FRYL: variants seen among roughly 807,000 people sequenced by gnomAD.
FRYL encodes FRY like transcription coactivator, also known as protein furry homolog-like.
Under a neutral mutation model 351.2 loss-of-function variants are expected in FRYL, and 150 were observed. The observed-to-expected ratio is 0.43, with a 90% CI of 0.37 to 0.49. The LOEUF is 0.49. Among genes scored for constraint, FRYL ranks in the 20% least tolerant of loss-of-function variants. The pLI, the probability that FRYL is intolerant of heterozygous loss-of-function variation, is 0.00. For synonymous variants in FRYL, 1,153 were observed against 1,257.1 expected (o/e 0.92, Z 1.75); for missense variants, 3,036 against 3,619.3 (o/e 0.84, Z 4.13).
chr4:48,569,872 GCAT>G (rs1190637652), intron 27 of FRYL, among the ~76,000 whole-genome samples: 5 of 152,130 alleles, frequency 3.3e-5, no homozygotes, highest in Non-Finnish European at 7.3e-5. Flanking sequence ...CAGTGCAGTG[GCAT>G]GGTCAAGGCT....
intron 3 of FRYL, among the ~76,000 whole-genome samples, chr4:48,661,781 GAC>G (rs1261464016): frequency 2.0e-5 from 3 of 152,132 alleles, no homozygotes; most frequent in Non-Finnish European, 4.4e-5. Flanking sequence ...ACCTAGAAAT[GAC>G]AGAGATGACA....
At chr4:48,545,230 G>T (rs769325225) in intron 42 of FRYL, among the ~76,000 whole-genome samples, 4 of 152,170 alleles carry the variant, frequency 2.6e-5, no homozygotes, top group African/African-American at 4.8e-5. Flanking sequence ...GTAATGCAAA[G>T]AAAATAATTT....
chr4:48,659,960 A>AAGAAGAAGAAGAAGAAGAAGAAGG (rs1760354241), intron 3 of FRYL, among the ~76,000 whole-genome samples: 1 of 146,682 alleles, frequency 6.8e-6, no homozygotes, highest in African/African-American at 2.5e-5. Context: ...GAAGAAGAAG[A>AAGAAGAAGAAGAAGAAGAAGAAGG]AGAAGAAGAA....
chr4:48,772,556 T>C (rs755913817), intron 1 of FRYL, among the ~76,000 whole-genome samples: 2 of 152,030 alleles, frequency 1.3e-5, no homozygotes, highest in Non-Finnish European at 2.9e-5. Flanking sequence ...GTATTATAGA[T>C]GGCATAACCC....
At chr4:48,725,032 T>G (rs751043780) in intron 1 of FRYL, among the ~76,000 whole-genome samples, 2 of 152,160 alleles carry the variant, frequency 1.3e-5, no homozygotes, top group Admixed American at 6.5e-5. Context: ...TTGACTTAGC[T>G]CCCTGTTCCA....
At chr4:48,562,147 C>T (rs1191002530) in intron 32 of FRYL, among the ~76,000 whole-genome samples, 7 of 151,990 alleles carry the variant, frequency 4.6e-5, no homozygotes, top group Admixed American at 2.0e-4. Context: ...TATACGATTA[C>T]TTGAAAAAGA....
chr4:48,506,621 T>TATATATATATATATATATAA (rs1721044724), intron 59 of FRYL: 1 of 10,976 alleles, frequency 9.1e-5, no homozygotes, highest in Non-Finnish European at 2.4e-4. Flanking sequence ...AACTAATATA[T>TATATATATATATATATATAA]ATATATATAT....
At chr4:48,745,424 T>TA (rs1416219508) in intron 1 of FRYL, among the ~76,000 whole-genome samples, 1 of 152,064 alleles carries the variant, frequency 6.6e-6, no homozygotes, top group Non-Finnish European at 1.5e-5. Flanking sequence ...TATGCAGCCA[T>TA]AAAAAAGGAT....
chr4:48,760,500 T>C (rs193226100), intron 1 of FRYL, among the ~76,000 whole-genome samples: 181 of 152,308 alleles, frequency 1.2e-3, no homozygotes, highest in African/African-American at 3.7e-3. Context: ...GTTTTACTTC[T>C]TCTTTTCCAA....
At chr4:48,588,557 T>A (rs2149195699) in intron 18 of FRYL, among the ~76,000 whole-genome samples, 1 of 152,264 alleles carries the variant, frequency 6.6e-6, no homozygotes, top group South Asian at 2.1e-4. Context: ...AGTGACCACC[T>A]CTCAGGCACA....
intron 7 of FRYL, among the ~76,000 whole-genome samples, chr4:48,610,711 T>C (rs1020694433): frequency 6.9e-6 from 1 of 145,454 alleles, no homozygotes; most frequent in African/African-American, 2.5e-5. Context: ...TATACATATA[T>C]ATTATATACA....
At chr4:48,608,357 A>C (rs1360909173) in intron 9 of FRYL, among the ~76,000 whole-genome samples, 4 of 152,194 alleles carry the variant, frequency 2.6e-5, no homozygotes, top group Non-Finnish European at 4.4e-5. Context: ...ATAATTTGAT[A>C]CTTTTTTCCT....
intron 3 of FRYL, among the ~76,000 whole-genome samples, chr4:48,659,964 A>G (rs968744592): frequency 1.3e-5 from 2 of 148,392 alleles, no homozygotes; most frequent in African/African-American, 5.0e-5. Context: ...AAGAAGAAGA[A>G]GAAGAAAGGA....
chr4:48,616,181 A>C (rs772383071), intron 7 of FRYL, among the ~76,000 whole-genome samples: 1 of 151,988 alleles, frequency 6.6e-6, no homozygotes, highest in Non-Finnish European at 1.5e-5. Context: ...AAAAACCTGC[A>C]TGTGCTGCAC....
At chr4:48,556,869 C>T (rs1734228573) in intron 35 of FRYL, 109 bp downstream of exon 35, 1 of 905,472 alleles carries the variant, frequency 1.1e-6, no homozygotes, top group South Asian at 2.5e-5. Flanking sequence ...TCATCCCGGC[C>T]CTTGCCTTGC....
chr4:48,550,806 G>T (rs954531537), intron 37 of FRYL, 102 bp from the exon 38 acceptor site: 1 of 857,810 alleles, frequency 1.2e-6, no homozygotes, highest in Non-Finnish European at 1.9e-6. Flanking sequence ...GGACGCCATG[G>T]TTCAAGCCTG....
At chr4:48,762,392 C>G (rs1440473365) in intron 1 of FRYL, among the ~76,000 whole-genome samples, 1 of 152,174 alleles carries the variant, frequency 6.6e-6, no homozygotes, top group African/African-American at 2.4e-5. Context: ...TAACTGACTT[C>G]CAAGTGTCTC....
At position 48,724,063 on chromosome 4, in the gene FRYL, G is replaced by A. The variant is rs1481348974; in HGVS notation, c.-383-13365C>T. ...GGGCTGCTTGAGCCCAGGAGGTCCA[G>A]ACGTTAGTAAGCCATGATCCTGCCA... is the stretch of plus-strand genomic sequence containing the variant. On this transcript the variant is annotated intron_variant, in intron 1 of 63. Transcript: ENST00000358350. 1.1e-4 allele frequency among the ~76,000 whole-genome samples: 16 copies of A among 151,940 alleles called. No homozygotes were observed. In the East Asian group the frequency reaches 3.1e-3, roughly 29 times the overall value.
chr4:48,657,726 G>C (rs1160134291), intron 3 of FRYL, among the ~76,000 whole-genome samples: 4 of 151,246 alleles, frequency 2.6e-5, no homozygotes, highest in African/African-American at 7.3e-5. Context: ...CCAACTTTTA[G>C]ATTATATATT....
Sources: allele counts gnomAD v4.1 joint callset (sites outside exome capture counted in the v4.1 genomes callset), GRCh38; gene constraint gnomAD v4.1.1; transcripts MANE v1.5; gene names NCBI Gene and HGNC (gene_info 2026-07-23, HGNC 2026-07-21).